Variants in DCLK1 observed in about 807,000 individuals in gnomAD.
DCLK1 encodes the protein serine/threonine-protein kinase DCLK1.
Under a neutral mutation model 86.2 loss-of-function variants are expected in DCLK1, and 16 were observed. The ratio of observed to expected loss-of-function variants is 0.19; its 90% CI spans 0.13 to 0.28. The LOEUF (loss-of-function observed/expected upper bound fraction) is 0.28. Ranked by LOEUF, DCLK1 falls within the 10% of genes least tolerant of loss-of-function variation. DCLK1 has a pLI of 1.00. For missense variants in DCLK1, 590 were observed against 940.2 expected, an observed-to-expected ratio of 0.63 and a Z score of 4.87; for synonymous variants, 369 against 370.5, an observed-to-expected ratio of 1.00 and a Z score of 0.05.
At chr13:36,088,869 T>C (rs1047213861) in intron 3 of DCLK1, among the ~76,000 whole-genome samples, 2 of 152,232 alleles carry the variant, frequency 1.3e-5, no homozygotes, top group African/African-American at 4.8e-5. Flanking sequence ...TTAGCCTACC[T>C]TTGTAGCACA....
chr13:35,885,713 A>G (rs1044123015), intron 4 of DCLK1, among the ~76,000 whole-genome samples: 7 of 152,190 alleles, frequency 4.6e-5, no homozygotes, highest in Non-Finnish European at 1.0e-4. Context: ...ATACCCTAAA[A>G]CCTTCAAATT....
intron 3 of DCLK1, among the ~76,000 whole-genome samples, chr13:35,982,559 G>A (rs1356432583): frequency 1.3e-5 from 2 of 151,718 alleles, no homozygotes; most frequent in East Asian, 3.9e-4. Flanking sequence ...AACCAGAGTG[G>A]GCCCACAGTG....
intron 4 of DCLK1, among the ~76,000 whole-genome samples, chr13:35,944,051 C>T (rs1476844598): frequency 2.6e-5 from 4 of 152,068 alleles, no homozygotes; most frequent in South Asian, 2.1e-4. Context: ...TGTTATTTTC[C>T]GAATGTGCAA....
intron 16 of DCLK1, among the ~76,000 whole-genome samples, chr13:35,777,919 C>T (rs974354771): frequency 6.6e-6 from 1 of 152,240 alleles, no homozygotes; most frequent in Non-Finnish European, 1.5e-5. Context: ...GTTCATCCTG[C>T]CTGCACCATA....
intron 3 of DCLK1, among the ~76,000 whole-genome samples, chr13:35,974,020 A>C (rs1417573899): frequency 6.6e-6 from 1 of 152,228 alleles, no homozygotes; most frequent in Non-Finnish European, 1.5e-5. Context: ...TCTGCAAAAA[A>C]ATACAGGAGG....
At chr13:35,828,180 G>T (rs1868642187) in intron 9 of DCLK1, 70 bp downstream of exon 9, 3 of 1,273,984 alleles carry the variant, frequency 2.4e-6, no homozygotes, top group Non-Finnish European at 3.4e-6. Context: ...GTATTTGTTT[G>T]GGAGTGATCT....
At chr13:35,928,063 T>C (rs1186521236) in intron 4 of DCLK1, among the ~76,000 whole-genome samples, 1 of 152,210 alleles carries the variant, frequency 6.6e-6, no homozygotes, top group African/African-American at 2.4e-5. Context: ...AATGAAACTG[T>C]AATCATAAAG....
At chr13:35,867,879 G>A (rs866030160) in intron 5 of DCLK1, among the ~76,000 whole-genome samples, 32 of 122,644 alleles carry the variant, frequency 2.6e-4, no homozygotes, top group Admixed American at 3.6e-4. Flanking sequence ...AAGAGAGAGG[G>A]AGAGAGAGAG....
At chr13:35,985,404 T>C (rs1301975282) in intron 3 of DCLK1, among the ~76,000 whole-genome samples, 3 of 150,742 alleles carry the variant, frequency 2.0e-5, no homozygotes, top group South Asian at 2.1e-4. Flanking sequence ...AAAAAAAAAA[T>C]TGGAGTACTG....
chr13:35,951,737 C>T (rs1177412793), intron 3 of DCLK1, among the ~76,000 whole-genome samples: 3 of 152,068 alleles, frequency 2.0e-5, no homozygotes, highest in Non-Finnish European at 4.4e-5. Flanking sequence ...GAGTGACTTA[C>T]ATTACCTTCT....
chr13:35,826,220 A>G (rs1463711203), intron 10 of DCLK1, among the ~76,000 whole-genome samples: 2 of 151,402 alleles, frequency 1.3e-5, no homozygotes, highest in Non-Finnish European at 2.9e-5. Context: ...AAAGGCTCCC[A>G]TTCTTTGAAA....
chr13:35,899,397 A>T (rs1874213814), intron 4 of DCLK1, among the ~76,000 whole-genome samples: 1 of 151,570 alleles, frequency 6.6e-6, no homozygotes, highest in African/African-American at 2.4e-5. Context: ...GAGAAAGAAG[A>T]CAATTAAGTG....
intron 3 of DCLK1, among the ~76,000 whole-genome samples, chr13:35,997,176 C>T (rs1880512836): frequency 6.6e-6 from 1 of 152,198 alleles, no homozygotes; most frequent in Non-Finnish European, 1.5e-5. Flanking sequence ...AAATGCAAAG[C>T]CAAGGCTAGC....
intron 3 of DCLK1, among the ~76,000 whole-genome samples, chr13:36,054,751 A>G (rs1883242516): frequency 6.6e-6 from 1 of 152,176 alleles, no homozygotes; most frequent in African/African-American, 2.4e-5. Flanking sequence ...TTTAAGAGAT[A>G]AGGAAACAGA....
chr13:35,848,181 C>G (rs1384544059), intron 6 of DCLK1: 3 of 985,188 alleles, frequency 3.0e-6, no homozygotes, highest in African/African-American at 1.7e-5. Context: ...AAGCATTCCC[C>G]GCTCAGTAGA....
At chr13:36,119,377 T>C (rs1001650370) in intron 2 of DCLK1, among the ~76,000 whole-genome samples, 10 of 152,172 alleles carry the variant, frequency 6.6e-5, no homozygotes, top group Non-Finnish European at 4.4e-5. Flanking sequence ...TAGAACACTA[T>C]AGTAATAACT....
At chr13:35,912,385 T>C (rs559536089) in intron 4 of DCLK1, among the ~76,000 whole-genome samples, 2 of 152,274 alleles carry the variant, frequency 1.3e-5, no homozygotes, top group Admixed American at 1.3e-4. Context: ...AATGTTGTCT[T>C]TTTCAAAACT....
chr13:35,885,143 C>A (rs1341203430), intron 4 of DCLK1, among the ~76,000 whole-genome samples: 1 of 152,088 alleles, frequency 6.6e-6, no homozygotes, highest in African/African-American at 2.4e-5. Flanking sequence ...AGATTGTCCA[C>A]CAGGAATGAG....
chr13:36,053,685 G>A (rs1425847476), intron 3 of DCLK1, among the ~76,000 whole-genome samples: 2 of 151,986 alleles, frequency 1.3e-5, no homozygotes, highest in Non-Finnish European at 1.5e-5. Context: ...GTCATAGGGT[G>A]ATAATGATAA....
Sources: gnomAD v4.1 joint callset for allele counts (sites outside exome capture counted in the v4.1 genomes callset) on GRCh38, gnomAD v4.1.1 for gene constraint, MANE v1.5 for transcripts, NCBI Gene and HGNC (gene_info 2026-07-23, HGNC 2026-07-21) for gene names.